The following SEMA3A variants were observed in gnomAD, a reference collection of about 807,000 sequenced individuals.
SEMA3A encodes semaphorin-3A.
SEMA3A carries 29 observed loss-of-function variants against 97.9 expected under a neutral mutation model. The observed-to-expected ratio is 0.30, with a 90% CI of 0.22 to 0.40. The LOEUF is 0.40. Ranked by LOEUF, SEMA3A falls within the 10% of genes least tolerant of loss-of-function variation. The pLI is 1.00. For synonymous variants in SEMA3A, 321 were observed against 323.7 expected, an observed-to-expected ratio of 0.99 and a Z score of 0.09; for missense variants, 763 against 951.3, an observed-to-expected ratio of 0.80 and a Z score of 2.60.
chr7:84,328,743 G>T (rs1801834381), intron 2 of SEMA3A, among the ~76,000 whole-genome samples: 1 of 151,928 alleles, frequency 6.6e-6, no homozygotes, highest in South Asian at 2.1e-4. Context: ...GCCTCTACAA[G>T]ATACTACCAG....
chr7:84,190,023 T>A (rs1562842161), intron 1 of SEMA3A, among the ~76,000 whole-genome samples: 2 of 151,814 alleles, frequency 1.3e-5, no homozygotes, highest in African/African-American at 4.8e-5. Context: ...ATTGGGAAAA[T>A]TATCTATTCA....
intron 1 of SEMA3A, among the ~76,000 whole-genome samples, chr7:84,454,020 CACAAT>C (rs1177914992): frequency 2.0e-5 from 3 of 152,014 alleles, no homozygotes; most frequent in African/African-American, 4.8e-5. Context: ...AAAATGTATC[CACAAT>C]ACATGTGCTA....
At chr7:84,245,642 G>T (rs569245104) in intron 3 of SEMA3A, among the ~76,000 whole-genome samples, 1 of 151,872 alleles carries the variant, frequency 6.6e-6, no homozygotes, top group Non-Finnish European at 1.5e-5. Flanking sequence ...TTTGCTGGAG[G>T]TCCACTCCAG....
At chr7:83,970,342 A>C (rs1232267326) in intron 15 of SEMA3A, among the ~76,000 whole-genome samples, 1 of 152,206 alleles carries the variant, frequency 6.6e-6, no homozygotes, top group Non-Finnish European at 1.5e-5. Context: ...AACAACAAAA[A>C]AGTCATGATA....
intron 4 of SEMA3A, among the ~76,000 whole-genome samples, chr7:84,071,012 T>C (rs1436407700): frequency 6.6e-6 from 1 of 152,112 alleles, no homozygotes; most frequent in African/African-American, 2.4e-5. Context: ...TTGTGACATA[T>C]TGCACTTTGA....
intron 16 of SEMA3A, 52 bp downstream of exon 16, chr7:83,963,153 A>G: frequency 6.3e-7 from 1 of 1,588,008 alleles, no homozygotes; most frequent in Non-Finnish European, 8.6e-7. Context: ...CAAGGATTAC[A>G]TTTAACAGTG....
intron 1 of SEMA3A, among the ~76,000 whole-genome samples, chr7:84,437,868 G>C (rs1304694491): frequency 6.6e-6 from 1 of 151,848 alleles, no homozygotes; most frequent in Non-Finnish European, 1.5e-5. Context: ...CTATAATGCA[G>C]TCAGTTTTAT....
intron 1 of SEMA3A, among the ~76,000 whole-genome samples, chr7:84,165,634 C>A (rs1797183751): frequency 6.6e-6 from 1 of 152,086 alleles, no homozygotes; most frequent in Non-Finnish European, 1.5e-5. Flanking sequence ...CTCACTGCAA[C>A]CTCTGCCTCC....
intron 12 of SEMA3A, among the ~76,000 whole-genome samples, chr7:83,991,199 T>C (rs1014351913): frequency 5.1e-4 from 78 of 151,932 alleles, no homozygotes; most frequent in African/African-American, 1.9e-3. Flanking sequence ...AAGTTGCTTA[T>C]CAGCTTAAGG....
intron 1 of SEMA3A, among the ~76,000 whole-genome samples, chr7:84,405,132 G>T (rs1159556985): frequency 6.6e-6 from 1 of 152,140 alleles, no homozygotes; most frequent in South Asian, 2.1e-4. Context: ...CCATCAGTGT[G>T]CTGTACTCAG....
chr7:83,983,048 T>C (rs2116323333), intron 13 of SEMA3A, among the ~76,000 whole-genome samples: 2 of 152,236 alleles, frequency 1.3e-5, no homozygotes, highest in East Asian at 1.9e-4. Context: ...CATATATTAC[T>C]AAGTGCTCAA....
chr7:84,238,618 T>C (rs1199351346), intron 3 of SEMA3A, among the ~76,000 whole-genome samples: 2 of 152,218 alleles, frequency 1.3e-5, no homozygotes, highest in African/African-American at 4.8e-5. Flanking sequence ...AGTTCTGTTT[T>C]CTGAAACAAT....
At chr7:84,335,123 G>A (rs1379382477) in intron 2 of SEMA3A, among the ~76,000 whole-genome samples, 1 of 151,652 alleles carries the variant, frequency 6.6e-6, no homozygotes, top group Non-Finnish European at 1.5e-5. Context: ...TGTAAGATAG[G>A]GAGGATAAAC....
intron 14 of SEMA3A, among the ~76,000 whole-genome samples, chr7:83,980,792 T>C (rs1789384559): frequency 6.6e-6 from 1 of 151,638 alleles, no homozygotes; most frequent in Non-Finnish European, 1.5e-5. Context: ...AATAATATAA[T>C]AACACTTAAA....
At chr7:84,096,754 A>G (rs542448518) in intron 4 of SEMA3A, among the ~76,000 whole-genome samples, 123 of 152,164 alleles carry the variant, frequency 8.1e-4, no homozygotes, top group African/African-American at 2.8e-3. Flanking sequence ...CCTCTGATGC[A>G]CCTTATAAAG....
At chr7:84,313,009 T>C (rs1801382477) in intron 2 of SEMA3A, among the ~76,000 whole-genome samples, 1 of 143,004 alleles carries the variant, frequency 7.0e-6, no homozygotes, top group Non-Finnish European at 1.5e-5. Flanking sequence ...GATGTGTATG[T>C]ATATTATATA....
intron 1 of SEMA3A, among the ~76,000 whole-genome samples, chr7:84,145,032 C>A (rs1270318449): frequency 6.6e-6 from 1 of 152,086 alleles, no homozygotes; most frequent in Admixed American, 6.6e-5. Flanking sequence ...TATTTACATA[C>A]ACACACAAGA....
At chr7:84,068,287 G>C (rs1040288235) in intron 4 of SEMA3A, among the ~76,000 whole-genome samples, 4 of 146,234 alleles carry the variant, frequency 2.7e-5, no homozygotes, top group African/African-American at 7.7e-5. Flanking sequence ...GTGGGGTGAG[G>C]GGGGAGGGAT....
chr7:83,966,743 C>T (rs1268645492), intron 15 of SEMA3A, among the ~76,000 whole-genome samples: 1 of 150,574 alleles, frequency 6.6e-6, no homozygotes, highest in Non-Finnish European at 1.5e-5. Context: ...CGGAGTTTCC[C>T]TATTGTTGCC....
Sources: allele counts gnomAD v4.1 joint callset (sites outside exome capture counted in the v4.1 genomes callset), GRCh38; gene constraint gnomAD v4.1.1; transcripts MANE v1.5; gene names NCBI Gene and HGNC (gene_info 2026-07-23, HGNC 2026-07-21).